Variants in FRAS1 observed in about 807,000 individuals in gnomAD.
FRAS1 encodes extracellular matrix organizing protein FRAS1.
FRAS1 carries 290 observed loss-of-function variants against 435.2 expected under a neutral mutation model. The ratio of observed to expected loss-of-function variants is 0.67; its 90% CI spans 0.61 to 0.73. The LOEUF (loss-of-function observed/expected upper bound fraction) is 0.73. Ranked by LOEUF, FRAS1 falls within the 30% of genes least tolerant of loss-of-function variation. The pLI, the probability that FRAS1 is intolerant of heterozygous loss-of-function variation, is 0.00. For synonymous variants in FRAS1, 1,800 were observed against 1,851.0 expected (o/e 0.97, Z 0.71); for missense variants, 4,860 against 5,001.5 (o/e 0.97, Z 0.85).
At position 78,479,446 on chromosome 4, in the gene FRAS1, C is replaced by A; in HGVS notation, c.8171C>A (p.Ala2724Asp). 1.2e-6 allele frequency: 2 copies of A among 1,600,284 alleles called. No homozygotes were observed. The highest frequency in any genetic ancestry group is 1.7e-6 in the Non-Finnish European group (2 of 1,171,438). The part of the protein sequence containing the change: ...PKSAMGSSLY[A>D]LESGSDFKSR... Reference sequence around the variant, plus strand: ...TCAGCTATGGGAAGTAGCCTCTATGCTCTAGAATCAGGCTCTGATTTTAAA... The same window carrying A: ...TCAGCTATGGGAAGTAGCCTCTATGATCTAGAATCAGGCTCTGATTTTAAA... Residue 2724 changes from alanine (A) to aspartate (D), a missense_variant, in exon 56 of 74, where the codon GCT becomes GAT. Physicochemically the swap from Ala to Asp is moderately radical, Grantham distance 126 (BLOSUM62 -2). Transcript: ENST00000512123.
chr4:78,468,377 C>T (rs4975124), intron 50 of FRAS1, among the ~76,000 whole-genome samples: 49,582 of 151,934 alleles, frequency 0.33, 8,814 homozygotes, highest in Admixed American at 0.41. Context: ...TTCCAAGCCT[C>T]GTTTTCCCTA....
chr4:78,380,131 A>G (rs547423108), intron 27 of FRAS1, 135 bp downstream of exon 27: 8 of 913,740 alleles, frequency 8.8e-6, no homozygotes, highest in African/African-American at 5.0e-5. Flanking sequence ...CACAAGCCCA[A>G]ATACTCTCAG....
At chr4:78,470,868 G>A (rs1719682928) in intron 51 of FRAS1, among the ~76,000 whole-genome samples, 1 of 152,044 alleles carries the variant, frequency 6.6e-6, no homozygotes, top group South Asian at 2.1e-4. Context: ...TATTAAGCAA[G>A]TGATACAGAA....
At chr4:78,242,358 T>C (rs1239413041) in intron 3 of FRAS1, among the ~76,000 whole-genome samples, 1 of 152,218 alleles carries the variant, frequency 6.6e-6, no homozygotes, top group East Asian at 1.9e-4. Context: ...ACAGCATGTG[T>C]TGCTGTTATT....
rs529981905 is a variant in FRAS1, at chr4:78,100,121, C to T, written c.108+34105C>T. On this transcript the variant is annotated intron_variant, in intron 2 of 73. Coordinates refer to ENST00000512123, the MANE Select transcript of FRAS1 (RefSeq NM_025074.7). ...TAAAATAAAGTAAAAGAAATAGAGC[C>T]TAGAACTTAAAATTGGAAAGACTGC... Among the ~76,000 whole-genome samples the T allele has an allele frequency of 2.0e-5, 3 of 152,272 alleles. No individual in the cohort carries two copies. In the South Asian group the frequency reaches 6.2e-4, roughly 32 times the overall value.
At position 78,168,543 on chromosome 4, in the gene FRAS1, G is replaced by A. The variant is rs151099996; in HGVS notation, c.109-68967G>A. ...TTCCTTGAGTAGGCACAGTCAGAAT[G>A]TGGGAAATGCCATTTTTATTACTGT... On this transcript the variant is annotated intron_variant, in intron 2 of 73. Coordinates refer to ENST00000512123, the MANE Select transcript of FRAS1 (RefSeq NM_025074.7). Among the ~76,000 whole-genome samples the A allele has an allele frequency of 3.8e-3, 580 of 151,878 alleles. 8 individuals are homozygous for A. The highest frequency in any genetic ancestry group is 4.4e-3 in the South Asian group (21 of 4,808).
At chr4:78,284,661 A>T in intron 13 of FRAS1, 113 bp downstream of exon 13, 1 of 984,434 alleles carries the variant, frequency 1.0e-6, no homozygotes, top group Non-Finnish European at 1.5e-6. Context: ...TCATGCATGC[A>T]GCATGTTTTT....
chr4:78,412,010 T>C (rs1733358382), intron 31 of FRAS1, among the ~76,000 whole-genome samples: 1 of 152,200 alleles, frequency 6.6e-6, no homozygotes. Flanking sequence ...GAAAAGTAGC[T>C]AATGCAGTGC....
Position 78,186,134 on chromosome 4 carries a change from G to T in FRAS1, c.109-51376G>T, listed in dbSNP as rs147427541. 1.1e-3 allele frequency among the ~76,000 whole-genome samples: 169 copies of T among 152,284 alleles called. 5 individuals are homozygous for T. In the East Asian group the frequency reaches 0.031, roughly 28 times the overall value. On this transcript the variant is annotated intron_variant, in intron 2 of 73. Coordinates refer to ENST00000512123, the MANE Select transcript of FRAS1 (RefSeq NM_025074.7). ...AAATTGATAACCTATGGTTAAACTT[G>T]CAGAAGATTCATATTTTACTTTTTC... is the stretch of plus-strand genomic sequence containing the variant.
intron 2 of FRAS1, among the ~76,000 whole-genome samples, chr4:78,083,053 A>G (rs1221792092): frequency 6.6e-6 from 1 of 152,182 alleles, no homozygotes; most frequent in Non-Finnish European, 1.5e-5. Context: ...TCCTATTCTT[A>G]GGAAAGAATA....
At chr4:78,507,111 G>T (rs983573553) in intron 61 of FRAS1, among the ~76,000 whole-genome samples, 1 of 152,166 alleles carries the variant, frequency 6.6e-6, no homozygotes, top group Non-Finnish European at 1.5e-5. Flanking sequence ...TCATAACCAG[G>T]GTGAAGTGTA....
At chr4:78,294,208 C>A (rs575130611) in intron 14 of FRAS1, among the ~76,000 whole-genome samples, 2 of 152,338 alleles carry the variant, frequency 1.3e-5, no homozygotes, top group Non-Finnish European at 2.9e-5. Context: ...CTGCTGAGAT[C>A]TGAGCAGCTG....
chr4:78,515,088 C>A (rs6835840), intron 65 of FRAS1, among the ~76,000 whole-genome samples: 1 of 128,270 alleles, frequency 7.8e-6, no homozygotes, highest in Non-Finnish European at 1.8e-5. Flanking sequence ...AAAAATTTAA[C>A]CCTCATATTC....
intron 2 of FRAS1, among the ~76,000 whole-genome samples, chr4:78,133,171 G>A (rs1380759227): frequency 6.6e-6 from 1 of 152,202 alleles, no homozygotes; most frequent in Non-Finnish European, 1.5e-5. Context: ...ACAAAGTGGA[G>A]TACTAACTAT....
chr4:78,078,407 G>A (rs1384478730), intron 2 of FRAS1, among the ~76,000 whole-genome samples: 1 of 152,100 alleles, frequency 6.6e-6, no homozygotes, highest in African/African-American at 2.4e-5. Context: ...ACTGCCATTA[G>A]TTAGTATATT....
intron 58 of FRAS1, among the ~76,000 whole-genome samples, chr4:78,485,874 C>A (rs539285311): frequency 6.6e-6 from 1 of 152,346 alleles, no homozygotes; most frequent in South Asian, 2.1e-4. Context: ...CTAACCGTCA[C>A]TCAAGAGTCT....
intron 14 of FRAS1, among the ~76,000 whole-genome samples, chr4:78,290,799 T>C (rs1400084323): frequency 1.9e-5 from 2 of 103,356 alleles, no homozygotes; most frequent in Non-Finnish European, 3.8e-5. Context: ...CTGTTATTTA[T>C]TGCCTTTTTT....
At position 78,274,283 on chromosome 4, in the gene FRAS1, T is replaced by G. The variant is rs529571409; in HGVS notation, c.982-4372T>G. On this transcript the variant is annotated intron_variant, in intron 9 of 73. Coordinates refer to ENST00000512123, the MANE Select transcript of FRAS1 (RefSeq NM_025074.7). ...AAAACTAGCTCCTGGATTCATTGAT[T>G]TTTTGAAGGGTTTTTTGTGTCTCTA... Among the ~76,000 whole-genome samples the G allele has an allele frequency of 2.6e-5, 4 of 151,374 alleles. No individual in the cohort carries two copies. The East Asian group carries it at 7.7e-4, about 29-fold the overall frequency.
In FRAS1 at chr4:78,057,873, C is replaced by G; in HGVS notation, c.-137C>G. ...AGTGTCGCTCTCCGCCCGTCCATCT[C>G]TTTTTCCCGGAGGTAAAGGCCCGCG... is the stretch of plus-strand genomic sequence containing the variant. On this transcript the variant is annotated 5_prime_UTR_variant, in exon 1 of 74. Coordinates refer to ENST00000512123, the MANE Select transcript of FRAS1 (RefSeq NM_025074.7). This position sits in a 1 kb window ranked among gnomAD's most constrained non-coding sequence, Gnocchi z 4.2. The G allele has an allele frequency of 1.4e-6, 1 of 725,584 alleles. No individual in the cohort carries two copies. The allele number at this position is 725,584 out of a possible 1,614,324, so 44.9% of individuals were successfully genotyped here.
Sources: allele counts gnomAD v4.1 joint callset (sites outside exome capture counted in the v4.1 genomes callset), GRCh38; gene constraint gnomAD v4.1.1; non-coding constraint Gnocchi (gnomAD v3.1); transcripts MANE v1.5; gene names NCBI Gene and HGNC (gene_info 2026-07-23, HGNC 2026-07-21).